The following DNAH5 variants were observed in gnomAD, a reference collection of about 807,000 sequenced individuals.
DNAH5 encodes axonemal beta dynein heavy chain 5.
Under a neutral mutation model 518.2 loss-of-function variants are expected in DNAH5, and 372 were observed. That is an observed-to-expected ratio of 0.72 (90% CI 0.66 to 0.78). The LOEUF is 0.78. Ranked by LOEUF, DNAH5 falls within the 30% of genes least tolerant of loss-of-function variation. The probability of loss-of-function intolerance (pLI) is 0.00; values close to 1 mark genes in which losing one functional copy is unlikely to be tolerated. For synonymous variants in DNAH5, 2,039 were observed against 2,025.9 expected (o/e 1.01, Z -0.17); for missense variants, 5,523 against 5,687.0 (o/e 0.97, Z 0.93).
chr5:13,727,752 G>T, intron 69 of DNAH5, 96 bp from the exon 70 acceptor site: 1 of 1,315,094 alleles, frequency 7.6e-7, no homozygotes, highest in Non-Finnish European at 1.1e-6. Context: ...GACCTCTCCA[G>T]ATATGTGTAA....
At position 13,920,586 on chromosome 5, in the gene DNAH5, A is replaced by G. The variant is rs1334258494; in HGVS notation, c.692T>C (p.Leu231Pro). ...GTCCGTAGGTTCCTTTAGGGTTTTC[A>G]GTTCAAGTATGTCACACTTTCGAAG... ...VNLRKCDILE[L>P]KTLKEPTDYL... Residue 231 changes from leucine to proline, a missense_variant, in exon 6 of 79, where the codon CTG (leucine) becomes CCG (proline). By Grantham distance (98) the Leu-to-Pro change is moderately conservative. This residue lies in a region of DNAH5 where 5,121 missense variants were observed against 5,223.3 expected (regional missense o/e 0.98). Transcript: ENST00000265104. The G allele has an allele frequency of 6.2e-7, 1 of 1,614,164 alleles. No homozygotes were observed. The highest frequency in any genetic ancestry group is 8.5e-7 in the Non-Finnish European group (1 of 1,179,994).
intron 52 of DNAH5, among the ~76,000 whole-genome samples, chr5:13,783,503 G>A (rs151269911): frequency 5.9e-5 from 9 of 152,130 alleles, no homozygotes; most frequent in African/African-American, 9.6e-5. Flanking sequence ...TGGGGGAGGC[G>A]CTCCAGGATC....
At position 13,840,863 on chromosome 5, in the gene DNAH5, AT is replaced by A. The variant is rs1369014553; in HGVS notation, c.5709+42del. The A allele has an allele frequency of 3.9e-6, 6 of 1,522,714 alleles. No homozygotes were observed. In the African/African-American group the frequency reaches 4.1e-5, roughly 10 times the overall value. The allele number at this position is 1,522,714 out of a possible 1,614,324, so 94.3% of individuals were successfully genotyped here. On this transcript the variant is annotated intron_variant, in intron 34 of 78. Transcript: ENST00000265104. ...TGGGTAAATGCAGATAGTGTCTAGA[AT>A]TTGTTTTTCTCTACATGCCACAGCA...
chr5:13,739,532 A>G (rs1266239639), intron 65 of DNAH5, among the ~76,000 whole-genome samples: 3 of 152,170 alleles, frequency 2.0e-5, no homozygotes, highest in Non-Finnish European at 4.4e-5. Flanking sequence ...GTATTTCTTC[A>G]TACCAGTGAG....
At chr5:13,821,917 C>T (rs1365299814) in intron 40 of DNAH5, among the ~76,000 whole-genome samples, 1 of 152,020 alleles carries the variant, frequency 6.6e-6, no homozygotes, top group Admixed American at 6.5e-5. Context: ...GCCTCAGCTG[C>T]ATGAGTAGTT....
At chr5:13,992,233 C>T (rs1783606904) in intron 1 of DNAH5, among the ~76,000 whole-genome samples, 1 of 152,216 alleles carries the variant, frequency 6.6e-6, no homozygotes, top group South Asian at 2.1e-4. Context: ...TCTTCTGCCT[C>T]AATTGACTGA....
chr5:13,850,456 A>G (rs550737363), intron 31 of DNAH5, among the ~76,000 whole-genome samples, 196 bp downstream of exon 31: 1 of 152,366 alleles, frequency 6.6e-6, no homozygotes, highest in Non-Finnish European at 1.5e-5. Flanking sequence ...AAGTCCTATG[A>G]GTCCAACATC....
At chr5:13,774,286 G>A (rs1426615912) in intron 55 of DNAH5, among the ~76,000 whole-genome samples, 1 of 152,070 alleles carries the variant, frequency 6.6e-6, no homozygotes, top group Non-Finnish European at 1.5e-5. Flanking sequence ...TTGGAGAAAA[G>A]GGGAGGTGTT....
intron 70 of DNAH5, among the ~76,000 whole-genome samples, chr5:13,725,717 C>T (rs756119066): frequency 4.6e-5 from 7 of 152,126 alleles, no homozygotes; most frequent in African/African-American, 1.4e-4. Flanking sequence ...TGCAGTGGCA[C>T]GATCTCAGTT....
chr5:13,944,440 G>C lies in DNAH5; in HGVS notation c.-2C>G. The C allele has an allele frequency of 6.2e-7, 1 of 1,613,002 alleles. No individual in the cohort carries two copies. Among genetic ancestry groups the C allele is most frequent in the South Asian group, 1.1e-5 (1 of 91,066 alleles). ...CTGTCTCCTCCCAATCCTAAACATT[G>C]TAGCCGTGCATGGACAGGCTGGAGT... On this transcript the variant is annotated 5_prime_UTR_variant, in exon 1 of 79. An upstream open reading frame in the 5' UTR gains an earlier in-frame stop. Coordinates refer to ENST00000265104, the MANE Select transcript of DNAH5 (RefSeq NM_001369.3).
chr5:13,810,785 G>A (rs1337149523), intron 44 of DNAH5, among the ~76,000 whole-genome samples: 1 of 151,630 alleles, frequency 6.6e-6, no homozygotes. Flanking sequence ...AAAAAACAGG[G>A]TTTATCGCAG....
At chr5:14,008,398 G>C (rs571742811) in intron 1 of DNAH5, among the ~76,000 whole-genome samples, 152 of 145,882 alleles carry the variant, frequency 1.0e-3, no homozygotes, top group Non-Finnish European at 1.4e-3. Flanking sequence ...CGAGGCGGGT[G>C]GGTTACTTGA....
intron 12 of DNAH5, among the ~76,000 whole-genome samples, chr5:13,909,419 C>A (rs28417135): frequency 0.015 from 2,319 of 152,090 alleles, 66 homozygotes; most frequent in African/African-American, 0.053. Context: ...ATTTTCAGAC[C>A]ACAGTTGACC....
At chr5:13,791,076 G>C (rs1310249519) in intron 50 of DNAH5, among the ~76,000 whole-genome samples, 7 of 151,712 alleles carry the variant, frequency 4.6e-5, no homozygotes, top group Non-Finnish European at 1.0e-4. Context: ...TAAAATAAAA[G>C]TTAAAAATAA....
rs1383562051 is a variant in DNAH5, at chr5:13,780,865, A to G, written c.8915T>C (p.Ile2972Thr). 2 of 1,613,804 alleles carry G rather than the reference A, an allele frequency of 1.2e-6. No individual in the cohort carries two copies. The highest frequency in any genetic ancestry group is 1.7e-6 in the Non-Finnish European group (2 of 1,179,792). ...KQSLTRLASF[I>T]AGYVSFQITL... ...GATCTGGAAGGAAACGTAGCCAGCA[A>G]TGAATGAAGCCAACCTCGTCAGGCT... The change falls in exon 53 of 79, where the codon ATT (isoleucine) becomes ACT (threonine). Residue 2972 changes from isoleucine to threonine, a missense_variant. This residue lies in a region of DNAH5 where 5,121 missense variants were observed against 5,223.3 expected (regional missense o/e 0.98). Coordinates refer to ENST00000265104, the MANE Select transcript of DNAH5 (RefSeq NM_001369.3).
At chr5:13,889,517 C>G (rs1182359832) in intron 17 of DNAH5, among the ~76,000 whole-genome samples, 1 of 152,182 alleles carries the variant, frequency 6.6e-6, no homozygotes, top group African/African-American at 2.4e-5. Flanking sequence ...CGTCTGGAAG[C>G]TTGGATTTTA....
chr5:13,810,863 A>G (rs1409770056), intron 44 of DNAH5, among the ~76,000 whole-genome samples: 1 of 152,212 alleles, frequency 6.6e-6, no homozygotes, highest in Non-Finnish European at 1.5e-5. Flanking sequence ...GGATAAAGAA[A>G]AGTGCTACAT....
rs1223339266 is a variant in DNAH5, at chr5:13,817,545, T to C, written c.6988+3A>G. On this transcript the variant is annotated splice_donor_region_variant and intron_variant, in intron 42 of 78. Coordinates refer to ENST00000265104, the MANE Select transcript of DNAH5 (RefSeq NM_001369.3). ...AAAATAATCCTTGTAATTTATCTTC[T>C]ACCTTTCTTTGCTCTTAATGTTTTC... 6.2e-7 allele frequency: 1 copy of C among 1,613,960 alleles called. No individual in the cohort carries two copies. The highest frequency in any genetic ancestry group is 8.5e-7 in the Non-Finnish European group (1 of 1,179,810).
intron 41 of DNAH5, among the ~76,000 whole-genome samples, chr5:13,818,674 A>G (rs1228573074): frequency 3.3e-5 from 5 of 152,210 alleles, no homozygotes; most frequent in Non-Finnish European, 1.5e-5. Flanking sequence ...TACTTGTCCA[A>G]ACCTTCCTTA....
Sources: allele counts gnomAD v4.1 joint callset (sites outside exome capture counted in the v4.1 genomes callset), GRCh38; gene constraint gnomAD v4.1.1; regional missense constraint gnomAD v4.1.1; transcripts MANE v1.5; gene names NCBI Gene and HGNC (gene_info 2026-07-23, HGNC 2026-07-21).